Variants in ZMYND11 observed in about 807,000 individuals in gnomAD.
ZMYND11 encodes zinc finger MYND domain-containing protein 11.
Under a neutral mutation model 84.9 loss-of-function variants are expected in ZMYND11, and 9 were observed. That is an observed-to-expected ratio of 0.11 (90% CI 0.06 to 0.18). ZMYND11 has a LOEUF of 0.18. Among genes scored for constraint, ZMYND11 ranks in the 10% least tolerant of loss-of-function variants. The pLI, the probability that ZMYND11 is intolerant of heterozygous loss-of-function variation, is 1.00. For missense variants in ZMYND11, 409 were observed against 761.0 expected, an observed-to-expected ratio of 0.54 and a Z score of 5.44; for synonymous variants, 250 against 244.1, an observed-to-expected ratio of 1.02 and a Z score of -0.23.
At chr10:136,554 C>T (rs199664490) in intron 1 of ZMYND11, among the ~76,000 whole-genome samples, 2 of 152,146 alleles carry the variant, frequency 1.3e-5, no homozygotes, top group East Asian at 3.9e-4. Flanking sequence ...TGCACTCAGC[C>T]CCCGGTATTG....
intron 2 of ZMYND11, among the ~76,000 whole-genome samples, chr10:192,667 C>T (rs918132358): frequency 2.0e-5 from 3 of 152,236 alleles, no homozygotes; most frequent in Admixed American, 6.5e-5. Context: ...CCTCCGTCTT[C>T]GTGCTGGGTA....
intron 1 of ZMYND11, among the ~76,000 whole-genome samples, chr10:142,522 G>A (rs1837729586): frequency 6.6e-6 from 1 of 152,152 alleles, no homozygotes; most frequent in African/African-American, 2.4e-5. Context: ...AGACTTAGAA[G>A]GGTTAAGTTA....
At chr10:140,417 G>C (rs1467377338) in intron 1 of ZMYND11, among the ~76,000 whole-genome samples, 1 of 152,132 alleles carries the variant, frequency 6.6e-6, no homozygotes, top group Non-Finnish European at 1.5e-5. Flanking sequence ...TATTTAGTTT[G>C]TATCATGGAA....
intron 4 of ZMYND11, among the ~76,000 whole-genome samples, chr10:223,647 A>G (rs1947551259): frequency 6.6e-6 from 1 of 152,178 alleles, no homozygotes; most frequent in Non-Finnish European, 1.5e-5. Flanking sequence ...CCAAAGAAAT[A>G]GTTATTCATT....
At chr10:249,827 T>G in intron 14 of ZMYND11, 1 of 912,140 alleles carries the variant, frequency 1.1e-6, no homozygotes, top group Non-Finnish European at 1.3e-6. Context: ...ATTATATAAA[T>G]ACACATAAGC....
At chr10:166,910 A>C (rs1230917810) in intron 1 of ZMYND11, among the ~76,000 whole-genome samples, 1 of 152,144 alleles carries the variant, frequency 6.6e-6, no homozygotes, top group Admixed American at 6.6e-5. Context: ...AATATTCTTC[A>C]GCCATAAGAA....
At chr10:239,968 C>A in intron 7 of ZMYND11, 88 bp from the exon 8 acceptor site, 1 of 1,171,376 alleles carries the variant, frequency 8.5e-7, no homozygotes, top group Non-Finnish European at 1.2e-6. Context: ...TAGATGTCTA[C>A]TTTTGCAAAC....
chr10:218,752 G>A (rs1440269593), intron 3 of ZMYND11, among the ~76,000 whole-genome samples: 1 of 152,078 alleles, frequency 6.6e-6, no homozygotes, highest in African/African-American at 2.4e-5. Flanking sequence ...TGACATCTGG[G>A]GGAACCAGTG....
chr10:221,405 T>C, intron 4 of ZMYND11, 49 bp downstream of exon 4: 2 of 1,567,526 alleles, frequency 1.3e-6, no homozygotes, highest in Non-Finnish European at 1.7e-6. Flanking sequence ...TGGAATTAAT[T>C]CATAATAGCT....
chr10:209,002 G>GAT (rs2131251378), intron 2 of ZMYND11, among the ~76,000 whole-genome samples: 1 of 151,394 alleles, frequency 6.6e-6, no homozygotes, highest in Admixed American at 6.6e-5. Context: ...CATTGACATT[G>GAT]ATGTGTGTGT....
intron 1 of ZMYND11, among the ~76,000 whole-genome samples, chr10:140,723 C>T (rs540309102): frequency 6.6e-6 from 1 of 152,262 alleles, no homozygotes; most frequent in South Asian, 2.1e-4. Flanking sequence ...TGGGTAAATT[C>T]TTTTAAAATG....
intron 4 of ZMYND11, among the ~76,000 whole-genome samples, chr10:236,045 C>G (rs746601072): frequency 1.3e-5 from 2 of 152,056 alleles, no homozygotes; most frequent in African/African-American, 4.8e-5. Context: ...TATCTAGTGA[C>G]CTGAAAAAGT....
At chr10:146,523 T>C (rs1200360234) in intron 1 of ZMYND11, among the ~76,000 whole-genome samples, 5 of 152,262 alleles carry the variant, frequency 3.3e-5, no homozygotes, top group Non-Finnish European at 7.3e-5. Context: ...TCCATTTGTT[T>C]GTATCATCTG....
intron 1 of ZMYND11, among the ~76,000 whole-genome samples, chr10:158,412 CTT>C (rs372896551): frequency 3.1e-3 from 438 of 142,524 alleles, no homozygotes; most frequent in Middle Eastern, 0.03. Flanking sequence ...TTGTCTTTTC[CTT>C]TTTTTTTTTT....
intron 2 of ZMYND11, among the ~76,000 whole-genome samples, chr10:206,260 T>C (rs1336914934): frequency 1.3e-5 from 2 of 152,108 alleles, no homozygotes; most frequent in African/African-American, 4.8e-5. Context: ...CTTGGGAGGC[T>C]GAGTCAGGAG....
intron 3 of ZMYND11, among the ~76,000 whole-genome samples, chr10:215,636 C>T (rs530833454): frequency 6.6e-6 from 1 of 151,694 alleles, no homozygotes; most frequent in Non-Finnish European, 1.5e-5. Flanking sequence ...TGGTTCACTA[C>T]AGCCTTGACC....
chr10:131,208 T>C (rs756201726), upstream of ZMYND11, among the ~76,000 whole-genome samples: 1 of 152,336 alleles, frequency 6.6e-6, no homozygotes, highest in South Asian at 2.1e-4. Context: ...ACATCTGTTT[T>C]TCATCTTGTG....
intron 1 of ZMYND11, among the ~76,000 whole-genome samples, chr10:158,531 TTCAGCCTCCTGAG>T (rs1554760231): frequency 6.6e-6 from 1 of 151,600 alleles, no homozygotes; most frequent in Non-Finnish European, 1.5e-5. Flanking sequence ...GATCCTTGAC[TTCAGCCTCCTGAG>T]TAGCTGGGAC....
chr10:170,596 A>AG (rs1370355961), intron 1 of ZMYND11, among the ~76,000 whole-genome samples: 1 of 152,138 alleles, frequency 6.6e-6, no homozygotes, highest in Non-Finnish European at 1.5e-5. Context: ...CTGCCCATGA[A>AG]GCAGTATAAT....
Sources: allele counts gnomAD v4.1 joint callset (sites outside exome capture counted in the v4.1 genomes callset), GRCh38; gene constraint gnomAD v4.1.1; transcripts MANE v1.5; gene names NCBI Gene and HGNC (gene_info 2026-07-23, HGNC 2026-07-21).